The following DPM1 variants were observed in gnomAD, a reference collection of about 807,000 sequenced individuals.
DPM1 encodes the protein dolichol-phosphate mannosyltransferase subunit 1.
Under a neutral mutation model 39.0 loss-of-function variants are expected in DPM1, and 27 were observed. That is an observed-to-expected ratio of 0.69 (90% CI 0.51 to 0.95). The LOEUF (loss-of-function observed/expected upper bound fraction) is 0.95. DPM1 is among the 40% of genes least tolerant of loss of function. The pLI is 0.00. For synonymous variants in DPM1, 124 were observed against 109.0 expected, an observed-to-expected ratio of 1.14 and a Z score of -0.86; for missense variants, 307 against 315.6, an observed-to-expected ratio of 0.97 and a Z score of 0.21.
intron 5 of DPM1, among the ~76,000 whole-genome samples, 194 bp from the exon 6 acceptor site, chr20:50,942,320 A>C (rs570126855): frequency 4.6e-5 from 7 of 152,244 alleles, no homozygotes; most frequent in African/African-American, 1.7e-4. Flanking sequence ...AGCCTGGCCA[A>C]GATGGTGGAA....
At chr20:50,943,854 C>T (rs533827106) in intron 5 of DPM1, among the ~76,000 whole-genome samples, 7 of 151,896 alleles carry the variant, frequency 4.6e-5, no homozygotes, top group African/African-American at 1.7e-4. Context: ...ATTCTCCTGC[C>T]TCAGCCTCCC....
chr20:50,956,616 A>T (rs1045354393), intron 1 of DPM1, among the ~76,000 whole-genome samples: 3 of 152,256 alleles, frequency 2.0e-5, no homozygotes, highest in African/African-American at 7.2e-5. Context: ...GGCTTTAACA[A>T]GTCAGCCCCA....
At chr20:50,939,062 C>G (rs1387776302) in intron 7 of DPM1, among the ~76,000 whole-genome samples, 1 of 152,170 alleles carries the variant, frequency 6.6e-6, no homozygotes, top group Non-Finnish European at 1.5e-5. Flanking sequence ...CAGAACACAG[C>G]TAATCATTGC....
At chr20:50,937,271 G>T (rs1407177047) in intron 7 of DPM1, among the ~76,000 whole-genome samples, 1 of 152,076 alleles carries the variant, frequency 6.6e-6, no homozygotes, top group African/African-American at 2.4e-5. Flanking sequence ...ACTATGAAGT[G>T]GGTATAGGAC....
At chr20:50,945,516 A>AT (rs1246382766) in intron 5 of DPM1, among the ~76,000 whole-genome samples, 2 of 151,528 alleles carry the variant, frequency 1.3e-5, no homozygotes, top group Non-Finnish European at 2.9e-5. Context: ...AATTTTTGTT[A>AT]TTTTTTTTGT....
At chr20:50,943,484 C>G (rs1986041753) in intron 5 of DPM1, among the ~76,000 whole-genome samples, 1 of 151,464 alleles carries the variant, frequency 6.6e-6, no homozygotes, top group Non-Finnish European at 1.5e-5. Flanking sequence ...CTCAGCCTCC[C>G]AAGTAGCTAG....
At chr20:50,940,690 A>C (rs2123085351) in intron 7 of DPM1, among the ~76,000 whole-genome samples, 175 bp downstream of exon 7, 1 of 152,366 alleles carries the variant, frequency 6.6e-6, no homozygotes. Context: ...GGAAAAGCAC[A>C]ATATGTCTCC....
At chr20:50,952,342 TAGTACATATACA>T (rs1986625021) in intron 2 of DPM1, among the ~76,000 whole-genome samples, 1 of 152,222 alleles carries the variant, frequency 6.6e-6, no homozygotes, top group African/African-American at 2.4e-5. Context: ...ATTGAGACTA[TAGTACATATACA>T]GTTTTATAAA....
intron 7 of DPM1, among the ~76,000 whole-genome samples, chr20:50,938,618 G>A (rs969234241): frequency 6.0e-5 from 9 of 150,700 alleles, no homozygotes; most frequent in Non-Finnish European, 1.2e-4. Flanking sequence ...CTGACCTTGT[G>A]ATCCACCTGC....
chr20:50,958,114 C>T (rs1026319595), intron 1 of DPM1, among the ~76,000 whole-genome samples: 3 of 152,172 alleles, frequency 2.0e-5, no homozygotes, highest in African/African-American at 7.2e-5. Flanking sequence ...AGGCGGGGGA[C>T]GGGAGTACTA....
chr20:50,949,574 T>C (rs1986471798), intron 2 of DPM1, among the ~76,000 whole-genome samples: 1 of 152,212 alleles, frequency 6.6e-6, no homozygotes, highest in Admixed American at 6.5e-5. Context: ...TTTTTCCTTT[T>C]GGCTGGACAC....
chr20:50,952,342 T>C (rs892282009), intron 2 of DPM1, among the ~76,000 whole-genome samples: 9 of 152,222 alleles, frequency 5.9e-5, no homozygotes, highest in African/African-American at 9.6e-5. Flanking sequence ...ATTGAGACTA[T>C]AGTACATATA....
intron 2 of DPM1, among the ~76,000 whole-genome samples, chr20:50,950,567 T>C (rs1406646223): frequency 6.6e-6 from 1 of 152,186 alleles, no homozygotes; most frequent in Non-Finnish European, 1.5e-5. Context: ...AAAATCTTTC[T>C]TTTAAAAAAA....
Position 50,935,108 on chromosome 20 carries a change from T to C in DPM1, c.*24A>G. ...TTTCATGTTTAACCTGAAATGAACG[T>C]AACTATAAATGAGTATCTTTCTTTT... On this transcript the variant is annotated 3_prime_UTR_variant, in exon 9 of 9. Transcript: ENST00000371588. 2 of 1,315,518 alleles carry C rather than the reference T, an allele frequency of 1.5e-6. No homozygotes were observed. Among genetic ancestry groups the C allele is most frequent in the Non-Finnish European group, 2.2e-6 (2 of 910,242 alleles). The allele number at this position is 1,315,518 out of a possible 1,614,324, so 81.5% of individuals were successfully genotyped here.
intron 7 of DPM1, among the ~76,000 whole-genome samples, chr20:50,938,378 A>AT (rs1568759557): frequency 6.6e-6 from 1 of 151,088 alleles, no homozygotes; most frequent in East Asian, 2.0e-4. Flanking sequence ...AGATTTAACT[A>AT]TTAAAAAAAA....
intron 6 of DPM1, among the ~76,000 whole-genome samples, chr20:50,941,385 CATATATATATTCATATTAT>C (rs1169043117): frequency 1.1e-4 from 16 of 142,220 alleles, no homozygotes; most frequent in South Asian, 6.6e-4. Flanking sequence ...TATATATATT[CATATATATATTCATATTAT>C]ATATATATAT....
chr20:50,942,219 C>T lies in DPM1; in HGVS notation c.399-93G>A, dbSNP rs893069731. The T allele has an allele frequency of 2.1e-5, 25 of 1,163,454 alleles. 1 individual carries two copies. Among genetic ancestry groups the T allele is most frequent in the African/African-American group, 1.8e-4 (12 of 65,992 alleles). 72.1% of individuals were successfully genotyped at this position (1,163,454 alleles called of 1,614,324 possible). On this transcript the variant is annotated intron_variant, in intron 5 of 8. Transcript: ENST00000371588. The stretch of plus-strand genomic sequence containing the variant: ...CACAAACAAAACTTTTAAGAGAAGT[C>T]GACACAGGCTGGGTGCAGTGGCTCA...
rs115116725 is a variant in DPM1, at chr20:50,953,100, T to A, written c.261+2086A>T. Among the ~76,000 whole-genome samples the A allele has an allele frequency of 2.3e-3, 346 of 152,336 alleles. 1 individual carries two copies. Among genetic ancestry groups the A allele is most frequent in the African/African-American group, 8.0e-3 (331 of 41,570 alleles). On this transcript the variant is annotated intron_variant, in intron 2 of 8. Transcript: ENST00000371588. ...ATATGACAAAATATAAATGACTTTATCTGATCTCAAGTTGGGAGATGAAAC... is the reference window on the plus strand; with the variant it reads ...ATATGACAAAATATAAATGACTTTAACTGATCTCAAGTTGGGAGATGAAAC...
chr20:50,953,803 C>T (rs903889528), intron 2 of DPM1, among the ~76,000 whole-genome samples: 2 of 152,126 alleles, frequency 1.3e-5, no homozygotes, highest in African/African-American at 4.8e-5. Context: ...TAAATGGCAG[C>T]ACATAACTCA....
Sources: gnomAD v4.1 joint callset for allele counts (sites outside exome capture counted in the v4.1 genomes callset) on GRCh38, gnomAD v4.1.1 for gene constraint, MANE v1.5 for transcripts, NCBI Gene and HGNC (gene_info 2026-07-23, HGNC 2026-07-21) for gene names.